Variants in AOX1 observed in about 807,000 individuals in gnomAD.
The protein encoded by AOX1 is aldehyde oxidase.
Under a neutral mutation model 169.5 loss-of-function variants are expected in AOX1, and 153 were observed. The observed-to-expected ratio is 0.90, with a 90% CI of 0.79 to 1.03. The LOEUF (loss-of-function observed/expected upper bound fraction) is 1.03, where lower values mean the gene tolerates loss of function less well. AOX1 is among the 50% of genes least tolerant of loss of function. The pLI is 0.00. For synonymous variants in AOX1, 562 were observed against 581.9 expected (o/e 0.97, Z 0.49); for missense variants, 1,656 against 1,663.9 (o/e 1.00, Z 0.08).
intron 26 of AOX1, among the ~76,000 whole-genome samples, chr2:200,654,213 A>C (rs2035636892): frequency 1.1e-4 from 4 of 37,160 alleles, no homozygotes; most frequent in Admixed American, 1.1e-3. Context: ...TCTCAAAAAA[A>C]AAAAAAAAAA....
At chr2:200,633,342 T>C (rs553669579) in intron 20 of AOX1, among the ~76,000 whole-genome samples, 6 of 152,254 alleles carry the variant, frequency 3.9e-5, no homozygotes, top group Non-Finnish European at 7.4e-5. Flanking sequence ...AAATATTAGA[T>C]CTTTTGTTAT....
At position 200,599,728 on chromosome 2, in the gene AOX1, T is replaced by G; in HGVS notation, c.418T>G (p.Leu140Val). The G allele has an allele frequency of 6.2e-7, 1 of 1,601,822 alleles. No homozygotes were observed. Among genetic ancestry groups the G allele is most frequent in the Non-Finnish European group, 8.5e-7 (1 of 1,173,248 alleles). The change falls in exon 5 of 35, where the codon TTA (leucine) becomes GTA (valine). Residue 140 changes from leucine (L) to valine (V), a missense_variant. Transcript: ENST00000374700. ...RNHPEPTLDQ[L>V]TDALGGNLCR... is the part of the protein sequence containing the mutation. ...CCACCCAGAGCCCACTCTGGATCAG[T>G]TAACTGATGCCCTTGGTGGTAGGTT...
At position 200,604,801 on chromosome 2, in the gene AOX1, T is replaced by C; in HGVS notation, c.775T>C (p.Tyr259His). 6.2e-7 allele frequency: 1 copy of C among 1,614,006 alleles called. No homozygotes were observed. Among genetic ancestry groups the C allele is most frequent in the Non-Finnish European group, 8.5e-7 (1 of 1,179,950 alleles). The part of the protein sequence containing the change: ...LKELLEFKFK[Y>H]PQAPVIMGNT... ...GGAACTGCTGGAATTTAAATTCAAG[T>C]ATCCCCAGGCTCCTGTTATCATGGG... Residue 259 changes from tyrosine (Y) to histidine (H), a missense_variant, in exon 9 of 35, where the codon TAT becomes CAT. By Grantham distance (83) the Tyr-to-His change is moderately conservative. Coordinates refer to ENST00000374700, the MANE Select transcript of AOX1 (RefSeq NM_001159.4).
At chr2:200,596,193 T>TGGTA (rs2106367441) in intron 3 of AOX1, among the ~76,000 whole-genome samples, 1 of 152,380 alleles carries the variant, frequency 6.6e-6, no homozygotes, top group Admixed American at 6.5e-5. Flanking sequence ...TATCTGCCTG[T>TGGTA]GTTCCACACC....
rs1314491015 is a variant in AOX1, at chr2:200,620,634, G to A, written c.1705-16G>A. 2.8e-5 allele frequency: 42 copies of A among 1,489,520 alleles called. No individual in the cohort carries two copies. Among genetic ancestry groups the A allele is most frequent in the Non-Finnish European group, 3.7e-5 (42 of 1,126,500 alleles). The allele number at this position is 1,489,520 out of a possible 1,614,324, so 92.3% of individuals were successfully genotyped here. On this transcript the variant is annotated splice_polypyrimidine_tract_variant and intron_variant, in intron 16 of 34. Transcript: ENST00000374700. ...TATAGAAATGTAAAAGTATATTTTG[G>A]TTATTTATTAAACAGAATATAGGCC...
chr2:200,657,190 A>ATATATATATATATATATATATATTTT, intron 27 of AOX1, among the ~76,000 whole-genome samples: 1 of 62,874 alleles, frequency 1.6e-5, no homozygotes, highest in Admixed American at 2.4e-4. Flanking sequence ...ATATATATAT[A>ATATATATATATATATATATATATTTT]TTTTTTTTTT....
intron 15 of AOX1, among the ~76,000 whole-genome samples, chr2:200,615,261 C>T (rs780224147): frequency 5.3e-5 from 8 of 152,202 alleles, no homozygotes; most frequent in Non-Finnish European, 1.2e-4. Context: ...GCTGCCTTGG[C>T]TTCCCAAAAT....
At chr2:200,624,761 G>A (rs1176705915) in intron 19 of AOX1, among the ~76,000 whole-genome samples, 1 of 152,208 alleles carries the variant, frequency 6.6e-6, no homozygotes, top group African/African-American at 2.4e-5. Context: ...TCCATGAAAT[G>A]ATAGGATGTT....
At chr2:200,630,210 T>TAAAAAAAAAAAAAAAAAAAA (rs57410809) in intron 20 of AOX1, among the ~76,000 whole-genome samples, 3 of 95,564 alleles carry the variant, frequency 3.1e-5, no homozygotes, top group African/African-American at 1.4e-4. Context: ...TCCTTCTATT[T>TAAAAAAAAAAAAAAAAAAAA]AAAAAAAAAA....
chr2:200,672,869 G>C (rs2036048071), downstream of AOX1, among the ~76,000 whole-genome samples: 1 of 152,228 alleles, frequency 6.6e-6, no homozygotes, highest in Non-Finnish European at 1.5e-5. Flanking sequence ...CAAGGCATTA[G>C]AGCAGAGTCT....
intron 9 of AOX1, 36 bp from the exon 10 acceptor site, chr2:200,605,500 A>G: frequency 1.9e-6 from 2 of 1,074,930 alleles, no homozygotes; most frequent in Non-Finnish European, 2.6e-6. Context: ...CCTTTATTCT[A>G]GTCTTATTGA....
intron 27 of AOX1, among the ~76,000 whole-genome samples, chr2:200,657,334 G>A (rs1379039022): frequency 6.6e-6 from 1 of 150,698 alleles, no homozygotes; most frequent in Non-Finnish European, 1.5e-5. Flanking sequence ...CAGCCTCGGT[G>A]GCAGAGCAAG....
intron 26 of AOX1, among the ~76,000 whole-genome samples, chr2:200,652,693 G>A (rs2035603696): frequency 6.6e-6 from 1 of 152,152 alleles, no homozygotes; most frequent in Admixed American, 6.5e-5. Flanking sequence ...TTTGATGGCT[G>A]CCATTACTTT....
intron 16 of AOX1, among the ~76,000 whole-genome samples, chr2:200,618,886 CG>C (rs2034823266): frequency 6.6e-6 from 1 of 152,150 alleles, no homozygotes; most frequent in Non-Finnish European, 1.5e-5. Context: ...ATGTGTTAAT[CG>C]GGGGGATCCA....
At chr2:200,661,397 C>G (rs1490902841) in intron 29 of AOX1, among the ~76,000 whole-genome samples, 182 bp from the exon 30 acceptor site, 1 of 152,114 alleles carries the variant, frequency 6.6e-6, no homozygotes, top group Non-Finnish European at 1.5e-5. Flanking sequence ...AGGTGCTGAA[C>G]AAACAGCTAC....
intron 26 of AOX1, among the ~76,000 whole-genome samples, chr2:200,652,121 A>G (rs763049743): frequency 1.6e-4 from 24 of 152,040 alleles, no homozygotes; most frequent in Non-Finnish European, 2.9e-4. Context: ...GTTAGTGTGG[A>G]TGTTGTGTGT....
chr2:200,588,126 A>AGGAT (rs1483583696), intron 1 of AOX1: 1 of 152,474 alleles, frequency 6.6e-6, no homozygotes, highest in Non-Finnish European at 1.5e-5. Context: ...GAGAGTATGC[A>AGGAT]GGATACTTAG....
chr2:200,594,139 T>C lies in AOX1; in HGVS notation c.103+936T>C, dbSNP rs78684610. ...AATCAGAGGAGACTTAGGGAGCCAT[T>C]TGATCACCGTGTAAGTCTGACCCTG... On this transcript the variant is annotated intron_variant, in intron 2 of 34. Coordinates refer to ENST00000374700, the MANE Select transcript of AOX1 (RefSeq NM_001159.4). Among the ~76,000 whole-genome samples, 5 of 152,290 alleles carry C rather than the reference T, an allele frequency of 3.3e-5. No individual in the cohort carries two copies. In the East Asian group the frequency reaches 9.7e-4, roughly 29 times the overall value.
chr2:200,596,626 G>T (rs1574907482), intron 3 of AOX1, among the ~76,000 whole-genome samples: 1 of 152,124 alleles, frequency 6.6e-6, no homozygotes, highest in Non-Finnish European at 1.5e-5. Context: ...GTTGGAAGTT[G>T]GTCTGGTTTC....
Sources: allele counts gnomAD v4.1 joint callset (sites outside exome capture counted in the v4.1 genomes callset), GRCh38; gene constraint gnomAD v4.1.1; transcripts MANE v1.5; gene names NCBI Gene and HGNC (gene_info 2026-07-23, HGNC 2026-07-21).